Variants in NRXN1 observed in about 807,000 individuals in gnomAD.
NRXN1 encodes neurexin 1.
A neutral mutation model predicts 150.9 loss-of-function variants in NRXN1; 39 were observed. The observed-to-expected ratio is 0.26, with a 90% CI of 0.20 to 0.34. The LOEUF (loss-of-function observed/expected upper bound fraction) is 0.34, where lower values mean the gene tolerates loss of function less well. Ranked by LOEUF, NRXN1 falls within the 10% of genes least tolerant of loss-of-function variation. The pLI is 1.00. For synonymous variants in NRXN1, 924 were observed against 757.0 expected, an observed-to-expected ratio of 1.22 and a Z score of -3.62; for missense variants, 1,815 against 1,949.9, an observed-to-expected ratio of 0.93 and a Z score of 1.30.
chr2:50,165,557 C>T lies in NRXN1; in HGVS notation c.3546+71232G>A, dbSNP rs548264274. On this transcript the variant is annotated intron_variant, in intron 18 of 22. Coordinates refer to ENST00000401669, the MANE Select transcript of NRXN1 (RefSeq NM_001330078.2). ...AGAAACGAGGTTTCAGCATGTTGGC[C>T]AGGCTGGTCTCCAACTCCTGACCTC... is the stretch of plus-strand genomic sequence containing the variant. Among the ~76,000 whole-genome samples the T allele has an allele frequency of 6.6e-5, 10 of 152,232 alleles. No homozygotes were observed. In the East Asian group the frequency reaches 1.9e-3, roughly 30 times the overall value.
At chr2:50,760,153 T>C (rs904851427) in intron 5 of NRXN1, among the ~76,000 whole-genome samples, 5 of 151,854 alleles carry the variant, frequency 3.3e-5, no homozygotes, top group African/African-American at 1.2e-4. Context: ...TCATTATTCT[T>C]CAAAGGCCTC....
rs149395384 is a variant in NRXN1 at position 50,137,981 on chromosome 2, G to T, written c.3547-46487C>A. Among the ~76,000 whole-genome samples, 361 of 152,178 alleles carry T rather than the reference G, an allele frequency of 2.4e-3. 2 individuals are homozygous for T. Among genetic ancestry groups the T allele is most frequent in the Non-Finnish European group, 3.0e-3 (203 of 67,996 alleles). On this transcript the variant is annotated intron_variant, in intron 18 of 22. Transcript: ENST00000401669. ...GCCAGTTACTTTGGTTTACTTGACT[G>T]GACTTGTATAATTTTAATGCAAGCT... is the stretch of plus-strand genomic sequence containing the variant.
chr2:50,818,991 C>T (rs1344298142), intron 5 of NRXN1, among the ~76,000 whole-genome samples: 1 of 152,096 alleles, frequency 6.6e-6, no homozygotes, highest in African/African-American at 2.4e-5. Context: ...CAACCGACAC[C>T]TGTTACGATG....
At chr2:51,006,813 T>C (rs1444099431) in intron 2 of NRXN1, among the ~76,000 whole-genome samples, 1 of 151,920 alleles carries the variant, frequency 6.6e-6, no homozygotes, top group East Asian at 2.0e-4. Context: ...TCTCCCTATG[T>C]TCCCTTAGCT....
intron 16 of NRXN1, among the ~76,000 whole-genome samples, chr2:50,469,455 T>TA (rs767303212): frequency 1.3e-5 from 2 of 151,560 alleles, no homozygotes; most frequent in African/African-American, 2.4e-5. Flanking sequence ...TCACAAGATA[T>TA]TATTAGGTTA....
At chr2:50,317,109 T>C (rs1245087854) in intron 17 of NRXN1, among the ~76,000 whole-genome samples, 2 of 151,868 alleles carry the variant, frequency 1.3e-5, no homozygotes, top group East Asian at 1.9e-4. Context: ...AAATGACAAA[T>C]AACTATGAAA....
At chr2:50,434,428 A>T (rs1269019393) in intron 17 of NRXN1, among the ~76,000 whole-genome samples, 1 of 151,970 alleles carries the variant, frequency 6.6e-6, no homozygotes, top group Non-Finnish European at 1.5e-5. Context: ...ACATGACTTC[A>T]TCTTGAAGAG....
At chr2:50,408,104 G>T (rs1378683257) in intron 17 of NRXN1, among the ~76,000 whole-genome samples, 1 of 152,040 alleles carries the variant, frequency 6.6e-6, no homozygotes. Flanking sequence ...GGAAATCTAA[G>T]AATAAATAAG....
intron 18 of NRXN1, among the ~76,000 whole-genome samples, chr2:50,234,324 T>A (rs1349119292): frequency 6.6e-6 from 1 of 151,964 alleles, no homozygotes; most frequent in African/African-American, 2.4e-5. Flanking sequence ...TGAAAACCCG[T>A]CTCTACCGCA....
intron 19 of NRXN1, among the ~76,000 whole-genome samples, chr2:50,078,301 T>C (rs1474520803): frequency 6.6e-6 from 1 of 152,034 alleles, no homozygotes; most frequent in Non-Finnish European, 1.5e-5. Flanking sequence ...TGTTTAATTA[T>C]TTTTTTCTGA....
At chr2:50,799,491 C>G (rs1268998443) in intron 5 of NRXN1, among the ~76,000 whole-genome samples, 1 of 152,176 alleles carries the variant, frequency 6.6e-6, no homozygotes. Flanking sequence ...ATAGTACAGA[C>G]AATCCCCTAA....
intron 17 of NRXN1, among the ~76,000 whole-genome samples, chr2:50,247,029 T>C (rs960573157): frequency 3.3e-5 from 5 of 152,064 alleles, no homozygotes; most frequent in Non-Finnish European, 7.4e-5. Context: ...ATAAGACTCC[T>C]GATTCTGAAA....
At chr2:50,262,230 C>G (rs527915958) in intron 17 of NRXN1, among the ~76,000 whole-genome samples, 78 of 151,886 alleles carry the variant, frequency 5.1e-4, no homozygotes, top group African/African-American at 1.8e-3. Flanking sequence ...TTTTATTTTG[C>G]CTAGCAATTC....
chr2:50,850,327 A>G (rs527564972), intron 5 of NRXN1, among the ~76,000 whole-genome samples: 2 of 152,246 alleles, frequency 1.3e-5, no homozygotes, highest in African/African-American at 4.8e-5. Context: ...CTTTTTAACA[A>G]GGTGCTGAGT....
intron 8 of NRXN1, among the ~76,000 whole-genome samples, chr2:50,572,683 T>TATC (rs1670837159): frequency 6.6e-6 from 1 of 152,180 alleles, no homozygotes; most frequent in Admixed American, 6.5e-5. Context: ...CACACCAAAT[T>TATC]ACAACAAATG....
chr2:50,358,605 C>T (rs931188049), intron 17 of NRXN1, among the ~76,000 whole-genome samples: 1 of 152,232 alleles, frequency 6.6e-6, no homozygotes, highest in Admixed American at 6.5e-5. Context: ...ATAAAACTCC[C>T]ATCTCCCTGG....
chr2:50,507,341 T>G (rs1403622197), intron 12 of NRXN1, among the ~76,000 whole-genome samples: 4 of 151,548 alleles, frequency 2.6e-5, no homozygotes, highest in Admixed American at 2.6e-4. Context: ...GTATAAGTAT[T>G]GACTCACAGT....
Position 50,458,425 on chromosome 2 carries a change from C to T in NRXN1, c.3364+7017G>A, listed in dbSNP as rs1049026568. 5.3e-5 allele frequency among the ~76,000 whole-genome samples: 8 copies of T among 152,066 alleles called. No individual in the cohort carries two copies. The East Asian group carries it at 1.4e-3, about 26-fold the overall frequency. On this transcript the variant is annotated intron_variant, in intron 17 of 22. Coordinates refer to ENST00000401669, the MANE Select transcript of NRXN1 (RefSeq NM_001330078.2). Reference sequence around the variant, plus strand: ...TATTTTATTGCATATTTCAAAATAGCTAGAAGAGTGGAATTGGAATGTTCC... The same window carrying T: ...TATTTTATTGCATATTTCAAAATAGTTAGAAGAGTGGAATTGGAATGTTCC...
In NRXN1 at chr2:50,508,359, G is replaced by A. The variant is rs1206803762; in HGVS notation, c.2375-1742C>T. Among the ~76,000 whole-genome samples the A allele has an allele frequency of 2.6e-5, 4 of 151,770 alleles. No homozygotes were observed. In the East Asian group the frequency reaches 7.7e-4, roughly 29 times the overall value. On this transcript the variant is annotated intron_variant, in intron 12 of 22. Coordinates refer to ENST00000401669, the MANE Select transcript of NRXN1 (RefSeq NM_001330078.2). ...CTAAATAACTAGAGAAAGCCTGCTA[G>A]TCCAGCAACTGCAAAAATACTTTGA...
Sources: gnomAD v4.1 joint callset for allele counts (sites outside exome capture counted in the v4.1 genomes callset) on GRCh38, gnomAD v4.1.1 for gene constraint, MANE v1.5 for transcripts, NCBI Gene and HGNC (gene_info 2026-07-23, HGNC 2026-07-21) for gene names.